Variants in PCDHGB3 observed in about 807,000 individuals in gnomAD.
The protein encoded by PCDHGB3 is protocadherin gamma subfamily B, 3.
Under a neutral mutation model 59.2 loss-of-function variants are expected in PCDHGB3, and 40 were observed. That is an observed-to-expected ratio of 0.68 (90% CI 0.52 to 0.88). The LOEUF (loss-of-function observed/expected upper bound fraction) is 0.88, where lower values mean the gene tolerates loss of function less well. PCDHGB3 is among the 40% of genes least tolerant of loss of function. The pLI, the probability that PCDHGB3 is intolerant of heterozygous loss-of-function variation, is 0.00. For synonymous variants in PCDHGB3, 581 were observed against 503.6 expected, an observed-to-expected ratio of 1.15 and a Z score of -2.06; for missense variants, 1,309 against 1,187.9, an observed-to-expected ratio of 1.10 and a Z score of -1.50.
At position 141,432,673 on chromosome 5, in the gene PCDHGB3, C is replaced by A. The variant is rs770930842; in HGVS notation, c.2415+59864C>A. 5 of 1,613,922 alleles carry A rather than the reference C, an allele frequency of 3.1e-6. No homozygotes were observed. Among genetic ancestry groups the A allele is most frequent in the Non-Finnish European group, 4.2e-6 (5 of 1,179,960 alleles). On this transcript the variant is annotated intron_variant, in intron 1 of 3. Coordinates refer to ENST00000576222, the MANE Select transcript of PCDHGB3 (RefSeq NM_018924.5). This position sits in a 1 kb window ranked among gnomAD's most constrained non-coding sequence, Gnocchi z 6.0. ...GAGCCCTGCTGGACAGAGACGCGCTCAAGCAGAGCCTCGTAGTGGCCGTCC... is the reference window on the plus strand; with the variant it reads ...GAGCCCTGCTGGACAGAGACGCGCTAAAGCAGAGCCTCGTAGTGGCCGTCC...
intron 1 of PCDHGB3, among the ~76,000 whole-genome samples, chr5:141,455,803 A>C (rs1197986124): frequency 2.6e-5 from 4 of 152,068 alleles, no homozygotes; most frequent in Non-Finnish European, 4.4e-5. Flanking sequence ...TGCTTTAAAA[A>C]ATGAAAACTT....
chr5:141,393,939 T>C (rs1488586975), intron 1 of PCDHGB3: 2 of 1,613,856 alleles, frequency 1.2e-6, no homozygotes, highest in Non-Finnish European at 8.5e-7. Context: ...TGACCAAGAC[T>C]CTGGAAAGAA....
chr5:141,392,305 GT>G (rs148037308), intron 1 of PCDHGB3: 5,240 of 152,054 alleles, frequency 0.034, 107 homozygotes, highest in Middle Eastern at 0.088. Flanking sequence ...AAAGTATCAT[GT>G]TTTTTTTAAG....
At chr5:141,421,455 C>T (rs762490406) in intron 1 of PCDHGB3, 7 of 1,614,108 alleles carry the variant, frequency 4.3e-6, no homozygotes, top group Non-Finnish European at 4.2e-6. Flanking sequence ...CACAGCTTTT[C>T]GCTGTGAATC....
intron 1 of PCDHGB3, chr5:141,391,595 T>C (rs1353226414): frequency 6.6e-6 from 1 of 152,188 alleles, no homozygotes; most frequent in Non-Finnish European, 1.5e-5. Flanking sequence ...AAATATAAAG[T>C]TTTCAGATTT....
chr5:141,419,018 AG>A (rs2096314197), intron 1 of PCDHGB3: 1 of 1,613,838 alleles, frequency 6.2e-7, no homozygotes, highest in African/African-American at 1.3e-5. Context: ...GTGTAGCTTA[AG>A]TAGAGGTGTT....
intron 1 of PCDHGB3, among the ~76,000 whole-genome samples, chr5:141,387,440 A>T (rs2090946110): frequency 6.6e-6 from 1 of 152,240 alleles, no homozygotes; most frequent in East Asian, 1.9e-4. Context: ...TATGTACTTA[A>T]TCTACATGAT....
chr5:141,376,351 G>A (rs1333788917), intron 1 of PCDHGB3: 4 of 1,614,178 alleles, frequency 2.5e-6, no homozygotes, highest in Non-Finnish European at 3.4e-6. Context: ...ATTCCCACGA[G>A]GTCTCACTCA....
At chr5:141,506,787 G>A (rs55775963) in intron 3 of PCDHGB3, among the ~76,000 whole-genome samples, 1,925 of 152,270 alleles carry the variant, frequency 0.013, 43 homozygotes, top group African/African-American at 0.044. Flanking sequence ...CTTATAAGGA[G>A]GCTGGCAGAG....
At chr5:141,481,999 C>T (rs958678555) in intron 1 of PCDHGB3, among the ~76,000 whole-genome samples, 7 of 149,942 alleles carry the variant, frequency 4.7e-5, no homozygotes, top group Admixed American at 2.0e-4. Flanking sequence ...GCAGGAGAAT[C>T]GCTTTATCTC....
At chr5:141,430,149 C>T (rs1051033560) in intron 1 of PCDHGB3, among the ~76,000 whole-genome samples, 4 of 151,968 alleles carry the variant, frequency 2.6e-5, no homozygotes, top group African/African-American at 9.7e-5. Flanking sequence ...CAGGATCATT[C>T]AAGGAATCTA....
At chr5:141,420,687 G>T (rs2096517632) in intron 1 of PCDHGB3, among the ~76,000 whole-genome samples, 1 of 152,182 alleles carries the variant, frequency 6.6e-6, no homozygotes, top group South Asian at 2.1e-4. Flanking sequence ...TATCGGGACC[G>T]TATTATTTCC....
chr5:141,375,174 C>A (rs765614006), intron 1 of PCDHGB3: 3 of 1,614,006 alleles, frequency 1.9e-6, no homozygotes, highest in Non-Finnish European at 2.5e-6. Context: ...CCTCCAGGAA[C>A]AGTAATCGCC....
rs201394036 is a variant in PCDHGB3 at position 141,385,181 on chromosome 5, C to A, written c.2415+12372C>A. On this transcript the variant is annotated intron_variant, in intron 1 of 3. Coordinates refer to ENST00000576222, the MANE Select transcript of PCDHGB3 (RefSeq NM_018924.5). ...TATTCCCATGAGGTCTCCCTCACCGCGGACTCTCGGAAGAGTCACCTGATC... is the reference window on the plus strand; with the variant it reads ...TATTCCCATGAGGTCTCCCTCACCGAGGACTCTCGGAAGAGTCACCTGATC... 2.3e-4 allele frequency: 371 copies of A among 1,614,202 alleles called. 1 individual carries two copies. The highest frequency in any genetic ancestry group is 2.9e-4 in the Non-Finnish European group (346 of 1,180,040).
At chr5:141,484,468 C>T (rs2099596877) in intron 1 of PCDHGB3, among the ~76,000 whole-genome samples, 1 of 152,200 alleles carries the variant, frequency 6.6e-6, no homozygotes, top group South Asian at 2.1e-4. Context: ...ATGTGTAAGC[C>T]TTTTCTGCAA....
In PCDHGB3 at chr5:141,415,152, C is replaced by G. The variant is rs758450562; in HGVS notation, c.2415+42343C>G. ...AGGACCACGGCCAGCCCCCTCTCTCCGCCACTGTCACGCTCACCGTGGCCG... is the reference window on the plus strand; with the variant it reads ...AGGACCACGGCCAGCCCCCTCTCTCGGCCACTGTCACGCTCACCGTGGCCG... On this transcript the variant is annotated intron_variant, in intron 1 of 3. Transcript: ENST00000576222. The G allele has an allele frequency of 1.9e-6, 3 of 1,613,812 alleles. No individual in the cohort carries two copies. In the Admixed American group the frequency reaches 5.0e-5, roughly 27 times the overall value.
At position 141,487,892 on chromosome 5, in the gene PCDHGB3, T is replaced by C; in HGVS notation, c.2416-6915T>C. The C allele has an allele frequency of 2.7e-6, 2 of 731,410 alleles. No individual in the cohort carries two copies. The highest frequency in any genetic ancestry group is 4.4e-6 in the Non-Finnish European group (2 of 450,094). 45.3% of individuals were successfully genotyped at this position (731,410 alleles called of 1,614,324 possible). On this transcript the variant is annotated intron_variant, in intron 1 of 3. Coordinates refer to ENST00000576222, the MANE Select transcript of PCDHGB3 (RefSeq NM_018924.5). This position sits in a 1 kb window ranked among gnomAD's most constrained non-coding sequence, Gnocchi z 5.0. ...GAGCCAGGCTGTTGTGGAAGCATGA[T>C]GATGGAATGTGGGAGCACAGGAGGC...
At chr5:141,510,674 GGCAT>G (rs1388331907) in intron 3 of PCDHGB3, among the ~76,000 whole-genome samples, 6 of 152,132 alleles carry the variant, frequency 3.9e-5, no homozygotes, top group Non-Finnish European at 8.8e-5. Flanking sequence ...AAACTGAAGT[GGCAT>G]AAGGAGGTTA....
rs373163257 is a variant in PCDHGB3 at position 141,383,286 on chromosome 5, C to A, written c.2415+10477C>A. 1 of 1,613,888 alleles carries A rather than the reference C, an allele frequency of 6.2e-7. No individual in the cohort carries two copies. The highest frequency in any genetic ancestry group is 8.5e-7 in the Non-Finnish European group (1 of 1,179,856). Reference sequence around the variant, plus strand: ...TGGAAATAATAGATATTAATGACAACGTTCCAAGATTCTTGACGGAAGAAA... The same window carrying A: ...TGGAAATAATAGATATTAATGACAAAGTTCCAAGATTCTTGACGGAAGAAA... On this transcript the variant is annotated intron_variant, in intron 1 of 3. Transcript: ENST00000576222.
Sources: gnomAD v4.1 joint callset for allele counts (sites outside exome capture counted in the v4.1 genomes callset) on GRCh38, gnomAD v4.1.1 for gene constraint, Gnocchi (gnomAD v3.1) non-coding constraint, MANE v1.5 for transcripts, NCBI Gene and HGNC (gene_info 2026-07-23, HGNC 2026-07-21) for gene names.